The following CDKL5 variants were observed in gnomAD, a reference collection of about 807,000 sequenced individuals.
CDKL5 encodes the protein cyclin-dependent kinase-like 5.
In CDKL5, 8 loss-of-function variants were observed where a neutral mutation model predicts 61.7. The observed-to-expected ratio is 0.13, with a 90% CI of 0.08 to 0.23. The LOEUF is 0.23. Ranked by LOEUF, CDKL5 falls within the 10% of genes least tolerant of loss-of-function variation. The pLI is 1.00. For missense variants in CDKL5, 440 were observed against 734.5 expected (o/e 0.60, Z 4.63); for synonymous variants, 275 against 272.3 (o/e 1.01, Z -0.10).
intron 1 of CDKL5, among the ~76,000 whole-genome samples, chrX:18,468,634 A>T (rs1038683614): frequency 1.8e-5 from 2 of 112,603 alleles, no homozygotes; most frequent in Admixed American, 1.9e-4. Context: ...AACACACCTT[A>T]TGAATGTTCT....
intron 1 of CDKL5, among the ~76,000 whole-genome samples, chrX:18,503,812 G>T (rs1922471775): frequency 8.9e-6 from 1 of 111,998 alleles, no homozygotes; most frequent in Non-Finnish European, 1.9e-5. Context: ...TGCGATCACG[G>T]CTCACCGCAG....
chrX:18,498,010 T>C (rs1922244471), intron 1 of CDKL5, among the ~76,000 whole-genome samples: 1 of 108,364 alleles, frequency 9.2e-6, no homozygotes, highest in South Asian at 4.1e-4. Context: ...AAAAAGTTGT[T>C]GTAGAGACAA....
chrX:18,469,856 G>C (rs1921022045), intron 1 of CDKL5, among the ~76,000 whole-genome samples: 1 of 111,559 alleles, frequency 9.0e-6, no homozygotes, highest in Non-Finnish European at 1.9e-5. Context: ...TAGTCCATTT[G>C]TCTTTTCTCT....
chrX:18,502,261 TTTACC>T (rs1308424640), intron 1 of CDKL5, among the ~76,000 whole-genome samples: 3 of 112,424 alleles, frequency 2.7e-5, no homozygotes, highest in Non-Finnish European at 3.7e-5. Context: ...GCCTGTCTTG[TTTACC>T]ACTATGTTGT....
rs201462705 is a variant in CDKL5 at position 18,525,765 on chromosome X, T to A, written c.99+14911T>A. Among the ~76,000 whole-genome samples, 10 of 101,362 alleles carry A rather than the reference T, an allele frequency of 9.9e-5. No homozygotes were observed. In the East Asian group the frequency reaches 2.9e-3, roughly 30 times the overall value. 88.0% of individuals were successfully genotyped at this position (101,362 alleles called of 115,157 possible). On this transcript the variant is annotated intron_variant, in intron 3 of 17. Coordinates refer to ENST00000623535, the MANE Select transcript of CDKL5 (RefSeq NM_001323289.2). ...GAGTCTTTTTTTTTTTTTTTTTTTT[T>A]AATTGGAGTCTCACTCTGTTGCCCA...
chrX:18,593,903 T>C (rs1283545803), intron 9 of CDKL5, among the ~76,000 whole-genome samples: 1 of 112,232 alleles, frequency 8.9e-6, no homozygotes, highest in Non-Finnish European at 1.9e-5. Context: ...CTATGGGTTC[T>C]TTCTTCCACA....
intron 3 of CDKL5, among the ~76,000 whole-genome samples, chrX:18,516,759 G>A (rs745840497): frequency 9.0e-6 from 1 of 111,286 alleles, no homozygotes; most frequent in East Asian, 2.8e-4. Flanking sequence ...TTTTTGAGAT[G>A]AAGTTTTGCT....
chrX:18,551,773 T>C (rs895007157), intron 3 of CDKL5, among the ~76,000 whole-genome samples: 1 of 106,917 alleles, frequency 9.4e-6, no homozygotes. Context: ...TGTGTGTGTG[T>C]GCAGAGACAG....
intron 2 of CDKL5, among the ~76,000 whole-genome samples, chrX:18,509,737 C>T (rs763936650): frequency 9.0e-6 from 1 of 111,305 alleles, no homozygotes; most frequent in East Asian, 2.8e-4. Flanking sequence ...TGAAATACAC[C>T]AAAGACAGTG....
At position 18,595,280 on chromosome X, in the gene CDKL5, A is replaced by G. The variant is rs1925953078; in HGVS notation, c.745-68A>G. On this transcript the variant is annotated intron_variant, in intron 9 of 17. Coordinates refer to ENST00000623535, the MANE Select transcript of CDKL5 (RefSeq NM_001323289.2). The stretch of plus-strand genomic sequence containing the variant: ...TTGCTTATCTGCTCCCTTCTGCAAC[A>G]CTCACAAGCACGTGCACACACATGT... 4.1e-6 allele frequency: 3 copies of G among 724,741 alleles called. No individual in the cohort carries two copies. In the East Asian group the frequency reaches 9.6e-5, roughly 23 times the overall value. The allele number at this position is 724,741 out of a possible 1,213,427, so 59.7% of individuals were successfully genotyped here.
chrX:18,642,081 G>A (rs281865357), downstream of CDKL5: 2 of 1,211,442 alleles, frequency 1.7e-6, no homozygotes, highest in Non-Finnish European at 2.2e-6. Context: ...GGGATGAGGC[G>A]GATGAAGCGG....
chrX:18,481,232 A>T (rs1602216728), intron 1 of CDKL5, among the ~76,000 whole-genome samples: 1 of 95,276 alleles, frequency 1.0e-5, no homozygotes, highest in East Asian at 3.3e-4. Flanking sequence ...CTACTTCTTT[A>T]TTTTCTGGCA....
chrX:18,642,816 G>T (rs1452655842), downstream of CDKL5, among the ~76,000 whole-genome samples: 1 of 110,737 alleles, frequency 9.0e-6, no homozygotes, highest in Non-Finnish European at 1.9e-5. Context: ...GAGGCGGGCG[G>T]ATCGTTTGAG....
At chrX:18,537,523 C>T (rs1923886399) in intron 3 of CDKL5, among the ~76,000 whole-genome samples, 1 of 111,849 alleles carries the variant, frequency 8.9e-6, no homozygotes, top group Non-Finnish European at 1.9e-5. Flanking sequence ...ATTTTATCTG[C>T]ACTCCTGTGT....
At position 18,630,971 on chromosome X, in the gene CDKL5, C is replaced by G. The variant is rs900651559; in HGVS notation, c.*2214C>G. 4 of 748,262 alleles carry G rather than the reference C, an allele frequency of 5.3e-6. No individual in the cohort carries two copies. The highest frequency in any genetic ancestry group is 6.3e-6 in the Non-Finnish European group (4 of 637,531). 61.7% of individuals were successfully genotyped at this position (748,262 alleles called of 1,213,427 possible). On this transcript the variant is annotated 3_prime_UTR_variant, in exon 18 of 18. Transcript: ENST00000623535. ...CTAGATCTCTACCTTGTATTCCCCC[C>G]TTGCAAACCAGAAACTACACTTTTT...
intron 1 of CDKL5, among the ~76,000 whole-genome samples, chrX:18,449,528 G>A (rs1931959871): frequency 8.9e-6 from 1 of 111,976 alleles, no homozygotes; most frequent in Non-Finnish European, 1.9e-5. Flanking sequence ...ACTGGGTGGT[G>A]ATGGTAGATG....
intron 3 of CDKL5, among the ~76,000 whole-genome samples, chrX:18,558,469 C>T (rs1239742339): frequency 9.0e-6 from 1 of 111,520 alleles, no homozygotes; most frequent in Non-Finnish European, 1.9e-5. Context: ...TAAAGCTTGG[C>T]GTGTTACTTC....
At chrX:18,439,045 G>GT (rs757823393) in intron 1 of CDKL5, among the ~76,000 whole-genome samples, 1 of 37,487 alleles carries the variant, frequency 2.7e-5, no homozygotes. Context: ...GCCCCTTTTT[G>GT]CCCCCCCCCC....
At chrX:18,616,933 G>A (rs1437416295) in intron 15 of CDKL5, among the ~76,000 whole-genome samples, 2 of 111,013 alleles carry the variant, frequency 1.8e-5, no homozygotes, top group African/African-American at 6.6e-5. Flanking sequence ...AGTCCCATAA[G>A]CCTGACCATG....
Sources: gnomAD v4.1 joint callset for allele counts (sites outside exome capture counted in the v4.1 genomes callset) on GRCh38, gnomAD v4.1.1 for gene constraint, MANE v1.5 for transcripts, NCBI Gene and HGNC (gene_info 2026-07-23, HGNC 2026-07-21) for gene names.